The following SLC27A5 variants were observed in gnomAD, a reference collection of about 807,000 sequenced individuals.
SLC27A5 encodes long-chain fatty acid transport protein 5.
A neutral mutation model predicts 63.1 loss-of-function variants in SLC27A5; 47 were observed. The ratio of observed to expected loss-of-function variants is 0.74; its 90% CI spans 0.59 to 0.95. The LOEUF is 0.95. Among genes scored for constraint, SLC27A5 ranks in the 40% least tolerant of loss-of-function variants. SLC27A5 has a pLI of 0.00. For missense variants in SLC27A5, 940 were observed against 921.0 expected (o/e 1.02, Z -0.27); for synonymous variants, 391 against 403.8 (o/e 0.97, Z 0.38).
chr19:58,501,330 G>T lies in SLC27A5; in HGVS notation c.1138C>A (p.Leu380Met). ...DCRQHGVTVI[L>M]YVGELLRYLC... is the part of the protein sequence containing the mutation. ...TACCGCAGGAGCTCGCCCACATACA[G>T]GATCACTGTCACGCCATGCTGCCGA... Residue 380 changes from leucine to methionine, a missense_variant, in exon 4 of 10, where the codon CTG becomes ATG. Leu to Met is a conservative substitution (Grantham distance 15). Transcript: ENST00000263093. The T allele has an allele frequency of 6.2e-7, 1 of 1,613,792 alleles. No homozygotes were observed. Among genetic ancestry groups the T allele is most frequent in the Non-Finnish European group, 8.5e-7 (1 of 1,179,794 alleles).
chr19:58,511,732 A>G lies in SLC27A5; in HGVS notation c.224T>C (p.Leu75Pro). The stretch of plus-strand genomic sequence containing the variant: ...TCCTGGGGGCAGCCGTGCTGGCAGG[A>G]GGGTTAGTGCCAGGGCCGCAGCTGC... Reference protein sequence around the residue: ...SLAAAALALTLLPARLPPGLR... With the variant: ...SLAAAALALTPLPARLPPGLR... The change falls in exon 1 of 10, where the codon CTC becomes CCC. Residue 75 changes from leucine to proline, a missense_variant. Leu to Pro is a moderately conservative substitution (Grantham distance 98). Transcript: ENST00000263093. 1 of 1,554,090 alleles carries G rather than the reference A, an allele frequency of 6.4e-7. No individual in the cohort carries two copies. Among genetic ancestry groups the G allele is most frequent in the Non-Finnish European group, 8.7e-7 (1 of 1,148,448 alleles).
At chr19:58,502,272 T>TA (rs2053283217) in intron 3 of SLC27A5, among the ~76,000 whole-genome samples, 1 of 127,346 alleles carries the variant, frequency 7.9e-6, no homozygotes, top group African/African-American at 3.0e-5. Flanking sequence ...AGTGAGTGAG[T>TA]AGATGGATGG....
Position 58,499,135 on chromosome 19 carries a change from C to A in SLC27A5, c.1753G>T (p.Val585Leu). 3 of 1,614,024 alleles carry A rather than the reference C, an allele frequency of 1.9e-6. No individual in the cohort carries two copies. Among genetic ancestry groups the A allele is most frequent in the Non-Finnish European group, 2.5e-6 (3 of 1,180,000 alleles). The part of the protein sequence containing the change: ...DFLQQVNVYG[V>L]CVPGCEGKVG... Reference sequence around the variant, plus strand: ...GAACCCTCCGCACCTGGCACGCACACGCCATACACGTTAACCTGTTGCAAG... The same window carrying A: ...GAACCCTCCGCACCTGGCACGCACAAGCCATACACGTTAACCTGTTGCAAG... Residue 585 changes from valine (V) to leucine (L), a missense_variant, in exon 8 of 10, where the codon GTG becomes TTG. By Grantham distance (32) the Val-to-Leu change is conservative. Transcript: ENST00000263093.
Position 58,502,632 on chromosome 19 carries a change from T to C in SLC27A5, c.1058-1222A>G, listed in dbSNP as rs192921795. Among the ~76,000 whole-genome samples, 87 of 137,310 alleles carry C rather than the reference T, an allele frequency of 6.3e-4. 6 individuals are homozygous for C. Among genetic ancestry groups the C allele is most frequent in the Non-Finnish European group, 1.1e-3 (66 of 60,524 alleles). 90.1% of individuals were successfully genotyped at this position (137,310 alleles called of 152,430 possible). A position where few individuals can be genotyped will look rare whatever the true frequency, so the allele number is the denominator to read the frequency against. On this transcript the variant is annotated intron_variant, in intron 3 of 9. Coordinates refer to ENST00000263093, the MANE Select transcript of SLC27A5 (RefSeq NM_012254.3). ...AGTAGTGAGTGAGAAGATGGATGTG[T>C]GGACAGAGTAGTGAGTGAGAAGATG...
rs765361698 is a variant in SLC27A5, at chr19:58,511,228, C to T, written c.688+40G>A. Reference sequence around the variant, plus strand: ...GAACCCCTGTCCTATAGTCCCTGCCCTTGCCCCCTTCCATTCTCCACTGGC... The same window carrying T: ...GAACCCCTGTCCTATAGTCCCTGCCTTTGCCCCCTTCCATTCTCCACTGGC... On this transcript the variant is annotated intron_variant, in intron 1 of 9. Transcript: ENST00000263093. The T allele has an allele frequency of 7.3e-6, 11 of 1,506,630 alleles. No individual in the cohort carries two copies. In the Admixed American group the frequency reaches 1.7e-4, roughly 24 times the overall value. 93.3% of individuals were successfully genotyped at this position (1,506,630 alleles called of 1,614,324 possible).
intron 7 of SLC27A5, 129 bp downstream of exon 7, chr19:58,499,363 A>C: frequency 7.6e-7 from 1 of 1,314,030 alleles, no homozygotes; most frequent in Admixed American, 2.2e-5. Flanking sequence ...CCTTCGCGTG[A>C]GAAGTCCTGA....
chr19:58,500,654 C>T lies in SLC27A5; in HGVS notation c.1235G>A (p.Arg412Gln), dbSNP rs574617502. 2.4e-5 allele frequency: 38 copies of T among 1,614,152 alleles called. No homozygotes were observed. Among genetic ancestry groups the T allele is most frequent in the Middle Eastern group, 1.6e-4 (1 of 6,062 alleles). The change falls in exon 5 of 10, where the codon CGG becomes CAG. Residue 412 changes from arginine to glutamine, a missense_variant. By Grantham distance (43) the Arg-to-Gln change is conservative (BLOSUM62 1). Coordinates refer to ENST00000263093, the MANE Select transcript of SLC27A5 (RefSeq NM_012254.3). ...TVRLAMGNGL[R>Q]ADVWETFQQR... Reference sequence around the variant, plus strand: ...CTGGAAGGTCTCCCACACATCAGCCCGTAGTCCATTGCCCATTGCCAGGCG... The same window carrying T: ...CTGGAAGGTCTCCCACACATCAGCCTGTAGTCCATTGCCCATTGCCAGGCG...
In SLC27A5 at chr19:58,505,807, C is replaced by A. The variant is rs192686446; in HGVS notation, c.1057+4040G>T. Among the ~76,000 whole-genome samples, 592 of 142,204 alleles carry A rather than the reference C, an allele frequency of 4.2e-3. 5 individuals are homozygous for A. The highest frequency in any genetic ancestry group is 0.015 in the African/African-American group (567 of 37,936). 93.3% of individuals were successfully genotyped at this position (142,204 alleles called of 152,430 possible). A position where few individuals can be genotyped will look rare whatever the true frequency, so the allele number is the denominator to read the frequency against. On this transcript the variant is annotated intron_variant, in intron 3 of 9. Transcript: ENST00000263093. Reference sequence around the variant, plus strand: ...AGGTTGCAGTGAGCCGACATCGCGCCATTGCATTCCATCCTGGGCAACAAT... The same window carrying A: ...AGGTTGCAGTGAGCCGACATCGCGCAATTGCATTCCATCCTGGGCAACAAT...
rs746021682 is a variant in SLC27A5 at position 58,498,776 on chromosome 19, T to A, written c.1896+9A>T. 6.2e-7 allele frequency: 1 copy of A among 1,613,532 alleles called. No individual in the cohort carries two copies. Among genetic ancestry groups the A allele is most frequent in the South Asian group, 1.1e-5 (1 of 91,030 alleles). ...CTTCCACCCACCCACCAGGCCACCCTGGGCTCACCTGGATGCGGATGAAAT... is the reference window on the plus strand; with the variant it reads ...CTTCCACCCACCCACCAGGCCACCCAGGGCTCACCTGGATGCGGATGAAAT... On this transcript the variant is annotated intron_variant, in intron 9 of 9. Transcript: ENST00000263093.
chr19:58,510,792 A>G lies in SLC27A5; in HGVS notation c.827T>C (p.Val276Ala). 1.9e-6 allele frequency: 3 copies of G among 1,613,658 alleles called. No homozygotes were observed. ...AALDAAPSHP[V>A]PADLRAGITW... ...GATCCCAGCACGCAGGTCAGCAGGCACTGGGTGGGAGGGCGCTGCATCCAG... is the reference window on the plus strand; with the variant it reads ...GATCCCAGCACGCAGGTCAGCAGGCGCTGGGTGGGAGGGCGCTGCATCCAG... The change falls in exon 2 of 10, where the codon GTG (valine) becomes GCG (alanine). Residue 276 changes from valine to alanine, a missense_variant. Val to Ala is a moderately conservative substitution (Grantham distance 64, BLOSUM62 0). Coordinates refer to ENST00000263093, the MANE Select transcript of SLC27A5 (RefSeq NM_012254.3).
chr19:58,505,807 C>T (rs192686446), intron 3 of SLC27A5, among the ~76,000 whole-genome samples: 2 of 142,210 alleles, frequency 1.4e-5, no homozygotes, highest in African/African-American at 5.3e-5. Flanking sequence ...GACATCGCGC[C>T]ATTGCATTCC....
At chr19:58,502,598 G>T (rs79555880) in intron 3 of SLC27A5, among the ~76,000 whole-genome samples, 7 of 112,572 alleles carry the variant, frequency 6.2e-5, no homozygotes, top group East Asian at 2.8e-4. Flanking sequence ...TAGATGGATG[G>T]GTGGACAGAG....
intron 3 of SLC27A5, chr19:58,507,771 T>A (rs754160910): frequency 6.6e-6 from 1 of 152,164 alleles, no homozygotes; most frequent in Non-Finnish European, 1.5e-5. Flanking sequence ...GGGAGGTCTA[T>A]AAATGGCCGC....
chr19:58,509,901 G>A lies in SLC27A5; in HGVS notation c.1003C>T (p.Pro335Ser). 1 of 1,614,070 alleles carries A rather than the reference G, an allele frequency of 6.2e-7. No homozygotes were observed. The highest frequency in any genetic ancestry group is 8.5e-7 in the Non-Finnish European group (1 of 1,179,998). The change falls in exon 3 of 10, where the codon CCT becomes TCT. Residue 335 changes from proline (P) to serine (S), a missense_variant. By Grantham distance (74) the Pro-to-Ser change is moderately conservative. Transcript: ENST00000263093. ...ACAAGTCCCATCACGTGGTACAGAG[G>A]CAGGACCGTGTAAACCACATCATCA... The part of the protein sequence containing the change: ...TADDVVYTVL[P>S]LYHVMGLVVG...
intron 3 of SLC27A5, among the ~76,000 whole-genome samples, chr19:58,506,538 C>T (rs952451383): frequency 6.6e-6 from 1 of 151,140 alleles, no homozygotes; most frequent in African/African-American, 2.4e-5. Flanking sequence ...GACTGTGTCT[C>T]AAAAACAAAC....
intron 2 of SLC27A5, 186 bp from the exon 3 acceptor site, chr19:58,510,191 T>C: frequency 1.8e-6 from 1 of 548,458 alleles, no homozygotes; most frequent in South Asian, 2.7e-5. Flanking sequence ...TATGTCAAGA[T>C]CAAAGGTTTC....
At chr19:58,502,136 G>T (rs1243317935) in intron 3 of SLC27A5, among the ~76,000 whole-genome samples, 1 of 152,208 alleles carries the variant, frequency 6.6e-6, no homozygotes, top group Non-Finnish European at 1.5e-5. Flanking sequence ...TAGTGAGTGA[G>T]TAGATGGGTG....
At chr19:58,510,189 G>A in intron 2 of SLC27A5, 184 bp from the exon 3 acceptor site, 1 of 553,494 alleles carries the variant, frequency 1.8e-6, no homozygotes, top group South Asian at 2.7e-5. Flanking sequence ...AATATGTCAA[G>A]ATCAAAGGTT....
In SLC27A5 at chr19:58,509,866, G is replaced by T. The variant is rs1273178935; in HGVS notation, c.1038C>A (p.Ile346=). The change falls in exon 3 of 10, where the codon ATC becomes ATA. Residue 346 remains isoleucine, a synonymous_variant. Coordinates refer to ENST00000263093, the MANE Select transcript of SLC27A5 (RefSeq NM_012254.3). ...LYHVMGLVVG[I]LGCLDLGATC... ...GCTTACCGAGATCTAAGCAGCCGAG[G>T]ATCCCAACGACAAGTCCCATCACGT... is the stretch of plus-strand genomic sequence containing the variant. 6.2e-7 allele frequency: 1 copy of T among 1,613,388 alleles called. No homozygotes were observed. The highest frequency in any genetic ancestry group is 1.3e-5 in the African/African-American group (1 of 75,040).
Sources: allele counts gnomAD v4.1 joint callset (sites outside exome capture counted in the v4.1 genomes callset), GRCh38; gene constraint gnomAD v4.1.1; transcripts MANE v1.5; gene names NCBI Gene and HGNC (gene_info 2026-07-23, HGNC 2026-07-21).